The following ZEB1 variants were observed in gnomAD, a reference collection of about 807,000 sequenced individuals.
ZEB1 encodes the protein zinc finger E-box binding homeobox 1.
In ZEB1, 21 loss-of-function variants were observed where a neutral mutation model predicts 84.9. The ratio of observed to expected loss-of-function variants is 0.25; its 90% CI spans 0.18 to 0.36. The LOEUF (loss-of-function observed/expected upper bound fraction) is 0.36. Among genes scored for constraint, ZEB1 ranks in the 10% least tolerant of loss-of-function variants. The pLI, the probability that ZEB1 is intolerant of heterozygous loss-of-function variation, is 1.00. For missense variants in ZEB1, 1,104 were observed against 1,330.2 expected (o/e 0.83, Z 2.65); for synonymous variants, 420 against 471.1 (o/e 0.89, Z 1.41).
chr10:31,335,750 C>T (rs1049105570), intron 1 of ZEB1, among the ~76,000 whole-genome samples: 3 of 152,064 alleles, frequency 2.0e-5, no homozygotes, highest in Non-Finnish European at 4.4e-5. Context: ...TTTTAGTCAA[C>T]ATTGTACTAG....
chr10:31,342,810 G>A (rs1472824075), intron 1 of ZEB1, among the ~76,000 whole-genome samples: 1 of 152,100 alleles, frequency 6.6e-6, no homozygotes, highest in African/African-American at 2.4e-5. Flanking sequence ...AAGCTCGTTG[G>A]AAAGCTCCAG....
At chr10:31,320,196 A>G (rs1262277631) in intron 1 of ZEB1, 1 of 151,634 alleles carries the variant, frequency 6.6e-6, no homozygotes, top group Non-Finnish European at 1.5e-5. Flanking sequence ...CGCGGGGAAC[A>G]AGGCAGGAAA....
At position 31,337,683 on chromosome 10, in the gene ZEB1, G is replaced by GTTTTTT. The variant is rs756379165; in HGVS notation, c.58+18408_58+18413dup. 1.7e-3 allele frequency among the ~76,000 whole-genome samples: 163 copies of GTTTTTT among 98,774 alleles called. 2 individuals are homozygous for GTTTTTT. Among genetic ancestry groups the GTTTTTT allele is most frequent in the Middle Eastern group, 9.1e-3 (1 of 110 alleles). 64.8% of individuals were successfully genotyped at this position (98,774 alleles called of 152,430 possible). ...AGATAAAGCTTAATAATTTCTTTCTGTTTTTTTTTTTTTTTTTTTTTTGAT... is the reference window on the plus strand; with the variant it reads ...AGATAAAGCTTAATAATTTCTTTCTGTTTTTTTTTTTTTTTTTTTTTTTTTTTTGAT... On this transcript the variant is annotated intron_variant, in intron 1 of 8. Transcript: ENST00000424869.
chr10:31,460,685 C>G (rs1459656170), intron 1 of ZEB1, among the ~76,000 whole-genome samples: 1 of 152,074 alleles, frequency 6.6e-6, no homozygotes, highest in African/African-American at 2.4e-5. Flanking sequence ...ACAAGTTACT[C>G]TCTCTCTGCC....
chr10:31,394,601 A>G (rs577364403), intron 1 of ZEB1, among the ~76,000 whole-genome samples: 4 of 152,304 alleles, frequency 2.6e-5, no homozygotes, highest in Non-Finnish European at 4.4e-5. Context: ...TATATGGAGG[A>G]TATTGCCTAC....
Position 31,362,930 on chromosome 10 carries a change from G to A in ZEB1, c.58+43638G>A, listed in dbSNP as rs765683605. ...TTACGCATGTTGCCATGCTGGAGGC[G>A]TCCTTCTCTTTGGGAAGCCTGACCC... On this transcript the variant is annotated intron_variant, in intron 1 of 8. Transcript: ENST00000424869. The A allele has an allele frequency of 1.8e-4, 280 of 1,527,878 alleles. 2 individuals carry two copies. Among genetic ancestry groups the A allele is most frequent in the East Asian group, 1.5e-4 (6 of 40,884 alleles). The allele number at this position is 1,527,878 out of a possible 1,614,324, so 94.6% of individuals were successfully genotyped here.
intron 4 of ZEB1, among the ~76,000 whole-genome samples, chr10:31,502,808 T>C (rs1006254269): frequency 3.3e-5 from 5 of 152,340 alleles, no homozygotes; most frequent in Non-Finnish European, 7.4e-5. Flanking sequence ...GTGAGAACTA[T>C]ACCTTTACTG....
intron 6 of ZEB1, among the ~76,000 whole-genome samples, chr10:31,518,215 T>C (rs980619186): frequency 6.6e-6 from 1 of 152,178 alleles, no homozygotes; most frequent in East Asian, 1.9e-4. Context: ...TGAATCCTAT[T>C]CCAGGCATCG....
intron 1 of ZEB1, among the ~76,000 whole-genome samples, chr10:31,403,327 T>C (rs958595296): frequency 6.6e-6 from 1 of 152,012 alleles, no homozygotes; most frequent in Non-Finnish European, 1.5e-5. Flanking sequence ...GTAATAGTTA[T>C]TGTTGCAGTA....
At chr10:31,516,308 T>G (rs993809006) in intron 6 of ZEB1, among the ~76,000 whole-genome samples, 2 of 152,008 alleles carry the variant, frequency 1.3e-5, no homozygotes, top group African/African-American at 2.4e-5. Context: ...CTTATTTCTG[T>G]CTTGTTTTTA....
intron 2 of ZEB1, among the ~76,000 whole-genome samples, chr10:31,469,681 C>T (rs1357544988): frequency 2.6e-5 from 4 of 152,228 alleles, no homozygotes; most frequent in African/African-American, 4.8e-5. Context: ...AACAAAGCAG[C>T]CCAGAAGCTG....
At chr10:31,428,737 T>A (rs1342919395) in intron 1 of ZEB1, among the ~76,000 whole-genome samples, 1 of 152,230 alleles carries the variant, frequency 6.6e-6, no homozygotes, top group Non-Finnish European at 1.5e-5. Context: ...ATCTGGGTGC[T>A]CCTGTGTTGG....
chr10:31,457,181 C>T (rs940866568), intron 1 of ZEB1, among the ~76,000 whole-genome samples: 2 of 152,088 alleles, frequency 1.3e-5, no homozygotes, highest in Admixed American at 1.3e-4. Context: ...TTTTCAGCCA[C>T]AGGTTAAACA....
chr10:31,473,876 A>T (rs1465620535), intron 2 of ZEB1, among the ~76,000 whole-genome samples: 1 of 151,098 alleles, frequency 6.6e-6, no homozygotes, highest in Non-Finnish European at 1.5e-5. Context: ...AGATCAATGG[A>T]ACTGAACAGA....
intron 6 of ZEB1, among the ~76,000 whole-genome samples, chr10:31,516,735 C>CT (rs1170016644): frequency 6.6e-6 from 1 of 151,822 alleles, no homozygotes; most frequent in Non-Finnish European, 1.5e-5. Flanking sequence ...GATAGGGTTT[C>CT]TTTTTTAAAT....
chr10:31,516,711 ACAG>A (rs1013915629), intron 6 of ZEB1, among the ~76,000 whole-genome samples: 2 of 152,232 alleles, frequency 1.3e-5, no homozygotes, highest in African/African-American at 4.8e-5. Flanking sequence ...TTAAAATAAC[ACAG>A]CAGAGAATTT....
chr10:31,396,796 G>C (rs1364841412), intron 1 of ZEB1, among the ~76,000 whole-genome samples: 1 of 152,114 alleles, frequency 6.6e-6, no homozygotes, highest in Non-Finnish European at 1.5e-5. Flanking sequence ...TTACCTGAAG[G>C]AATGAAGTTA....
At chr10:31,356,958 T>C (rs966316159) in intron 1 of ZEB1, among the ~76,000 whole-genome samples, 6 of 152,144 alleles carry the variant, frequency 3.9e-5, no homozygotes, top group African/African-American at 1.2e-4. Flanking sequence ...ATTTAGGTGT[T>C]TTTAAGATAC....
intron 1 of ZEB1, 36 bp downstream of exon 1, chr10:31,319,328 AG>A: frequency 1.3e-6 from 2 of 1,579,810 alleles, no homozygotes; most frequent in Non-Finnish European, 1.7e-6. Context: ...CGGCGGAGTC[AG>A]GGGGAGCTGG....
Sources: gnomAD v4.1 joint callset for allele counts (sites outside exome capture counted in the v4.1 genomes callset) on GRCh38, gnomAD v4.1.1 for gene constraint, MANE v1.5 for transcripts, NCBI Gene and HGNC (gene_info 2026-07-23, HGNC 2026-07-21) for gene names.